Variants in TBCA observed in about 807,000 individuals in gnomAD.
TBCA encodes tubulin folding cofactor A.
TBCA carries 6 observed loss-of-function variants against 15.8 expected under a neutral mutation model. The ratio of observed to expected loss-of-function variants is 0.38; its 90% confidence interval spans 0.21 to 0.75. The LOEUF is 0.75. Among genes scored for constraint, TBCA ranks in the 30% least tolerant of loss-of-function variants. The pLI, the probability that TBCA is intolerant of heterozygous loss-of-function variation, is 0.46. For synonymous variants in TBCA, 32 were observed against 42.3 expected, an observed-to-expected ratio of 0.76 and a Z score of 0.94; for missense variants, 90 against 131.2, an observed-to-expected ratio of 0.69 and a Z score of 1.53.
intron 1 of TBCA, 109 bp from the exon 2 acceptor site, chr5:77,708,456 A>G: frequency 1.6e-6 from 1 of 610,854 alleles, no homozygotes; most frequent in Non-Finnish European, 2.9e-6. Context: ...AAGTAGATAT[A>G]CTAGATGGGG....
At chr5:77,758,157 G>T (rs1747520224) in intron 1 of TBCA, among the ~76,000 whole-genome samples, 1 of 152,126 alleles carries the variant, frequency 6.6e-6, no homozygotes, top group African/African-American at 2.4e-5. Flanking sequence ...TTGGCATGAG[G>T]GAAGAGAGAG....
At chr5:77,719,596 T>C (rs182342053) in intron 1 of TBCA, among the ~76,000 whole-genome samples, 49 of 152,218 alleles carry the variant, frequency 3.2e-4, no homozygotes, top group African/African-American at 1.1e-3. Flanking sequence ...ATTGCTGAAG[T>C]AGAATATGTG....
At chr5:77,765,685 T>C (rs990893186) in intron 1 of TBCA, among the ~76,000 whole-genome samples, 27 of 152,150 alleles carry the variant, frequency 1.8e-4, no homozygotes, top group African/African-American at 5.8e-4. Flanking sequence ...TCTTCCCCCA[T>C]GTATCTCATG....
At chr5:77,763,471 T>C (rs1333228231) in intron 1 of TBCA, among the ~76,000 whole-genome samples, 4 of 152,196 alleles carry the variant, frequency 2.6e-5, no homozygotes, top group Non-Finnish European at 4.4e-5. Flanking sequence ...TAAATGTTTG[T>C]GTGCCCATCC....
At chr5:77,738,253 T>C (rs1475660561) in intron 1 of TBCA, among the ~76,000 whole-genome samples, 8 of 152,214 alleles carry the variant, frequency 5.3e-5, no homozygotes, top group Non-Finnish European at 1.0e-4. Flanking sequence ...TATATTGCAG[T>C]GCTGCTTACT....
At chr5:77,765,170 T>C (rs1037951950) in intron 1 of TBCA, among the ~76,000 whole-genome samples, 1 of 152,208 alleles carries the variant, frequency 6.6e-6, no homozygotes, top group African/African-American at 2.4e-5. Context: ...GATTCTCGTA[T>C]CTGCTTCTAC....
At chr5:77,730,091 A>G (rs933957164) in intron 1 of TBCA, among the ~76,000 whole-genome samples, 3 of 152,212 alleles carry the variant, frequency 2.0e-5, no homozygotes, top group African/African-American at 7.2e-5. Flanking sequence ...GAAAGACTCT[A>G]TTCTTAAGAC....
At chr5:77,692,539 C>A (rs930459984) in intron 3 of TBCA, 74 of 966,352 alleles carry the variant, frequency 7.7e-5, no homozygotes, top group Middle Eastern at 5.3e-4. Context: ...CCCACCTCAG[C>A]CTCCCAAAGT....
chr5:77,776,310 G>C lies in TBCA; in HGVS notation c.-53C>G, dbSNP rs756385398. The C allele has an allele frequency of 3.2e-6, 5 of 1,551,674 alleles. No individual in the cohort carries two copies. Among genetic ancestry groups the C allele is most frequent in the Non-Finnish European group, 4.4e-6 (5 of 1,147,660 alleles). ...GGCGGAGAGCCGGGGTAACCGTGGAGGGCGACGCGCAGAGGCTGCGGCTAT... is the reference window on the plus strand; with the variant it reads ...GGCGGAGAGCCGGGGTAACCGTGGACGGCGACGCGCAGAGGCTGCGGCTAT... On this transcript the variant is annotated 5_prime_UTR_variant, in exon 1 of 4. Transcript: ENST00000380377.
rs767668804 is a variant in TBCA, at chr5:77,776,251, C to T, written c.7G>A (p.Asp3Asn). 2.5e-6 allele frequency: 4 copies of T among 1,579,626 alleles called. No individual in the cohort carries two copies. The highest frequency in any genetic ancestry group is 1.8e-5 in the Admixed American group (1 of 55,506). The change falls in exon 1 of 4, where the codon GAT becomes AAT. Residue 3 changes from aspartate to asparagine, a missense_variant. Asp to Asn is a conservative substitution (Grantham distance 23). Transcript: ENST00000380377. MA[D>N]PRVRQIKIKT... ...ATCTTGATCTGTCTCACGCGAGGAT[C>T]GGCCATGGTCCCTCGAGCGCCGCGA...
intron 1 of TBCA, chr5:77,715,095 A>C: frequency 1.7e-6 from 1 of 595,298 alleles, no homozygotes. Flanking sequence ...TGTCTCTTTG[A>C]GAAGAGGACA....
intron 1 of TBCA, among the ~76,000 whole-genome samples, chr5:77,764,529 C>A (rs1462659455): frequency 6.6e-6 from 1 of 151,986 alleles, no homozygotes; most frequent in Non-Finnish European, 1.5e-5. Flanking sequence ...ATTTTTAACT[C>A]TGTTCACCTC....
intron 1 of TBCA, among the ~76,000 whole-genome samples, chr5:77,766,297 A>G (rs1747775510): frequency 6.6e-6 from 1 of 152,144 alleles, no homozygotes; most frequent in African/African-American, 2.4e-5. Flanking sequence ...TAATTTTTAA[A>G]TTTTCCACAA....
At chr5:77,758,877 T>C (rs1747539670) in intron 1 of TBCA, among the ~76,000 whole-genome samples, 2 of 152,224 alleles carry the variant, frequency 1.3e-5, no homozygotes, top group African/African-American at 4.8e-5. Flanking sequence ...CTGCCAATTT[T>C]AAGTATTATC....
At chr5:77,767,304 C>G (rs1367688549) in intron 1 of TBCA, among the ~76,000 whole-genome samples, 1 of 152,154 alleles carries the variant, frequency 6.6e-6, no homozygotes, top group African/African-American at 2.4e-5. Context: ...CAAGCACACA[C>G]ACACACAGAA....
chr5:77,739,347 G>A lies in TBCA; in HGVS notation c.54-31000C>T, dbSNP rs567320890. 4.6e-5 allele frequency among the ~76,000 whole-genome samples: 7 copies of A among 152,268 alleles called. No individual in the cohort carries two copies. In the South Asian group the frequency reaches 1.5e-3, roughly 32 times the overall value. ...GTGGTGGTGCACACCTGTAATCCCA[G>A]CTACTCAGGAGGCTGAGGCACGAGC... is the stretch of plus-strand genomic sequence containing the variant. On this transcript the variant is annotated intron_variant, in intron 1 of 3. Coordinates refer to ENST00000380377, the MANE Select transcript of TBCA (RefSeq NM_004607.3).
intron 1 of TBCA, among the ~76,000 whole-genome samples, chr5:77,742,278 T>G (rs183431000): frequency 3.3e-5 from 5 of 152,320 alleles, no homozygotes; most frequent in African/African-American, 1.2e-4. Context: ...GGTTTCAGAT[T>G]TGGGGGCACT....
Position 77,723,913 on chromosome 5 carries a change from T to C in TBCA, c.54-15566A>G, listed in dbSNP as rs539712480. 2.6e-5 allele frequency among the ~76,000 whole-genome samples: 4 copies of C among 152,126 alleles called. No homozygotes were observed. In the South Asian group the frequency reaches 8.3e-4, roughly 32 times the overall value. ...GTTATTCCAAGAGTTCATAAATATT[T>C]TGAAATAGTTTTTAATGTTTTCAAA... On this transcript the variant is annotated intron_variant, in intron 1 of 3. Coordinates refer to ENST00000380377, the MANE Select transcript of TBCA (RefSeq NM_004607.3).
intron 1 of TBCA, among the ~76,000 whole-genome samples, chr5:77,725,163 A>G (rs1389477508): frequency 1.3e-5 from 2 of 152,146 alleles, no homozygotes; most frequent in Non-Finnish European, 2.9e-5. Context: ...TTTTATTTTT[A>G]TACCAACACT....
Sources: allele counts gnomAD v4.1 joint callset (sites outside exome capture counted in the v4.1 genomes callset), GRCh38; gene constraint gnomAD v4.1.1; transcripts MANE v1.5; gene names NCBI Gene and HGNC (gene_info 2026-07-23, HGNC 2026-07-21).